Variants in PCGF6 observed in about 807,000 individuals in gnomAD.
The protein encoded by PCGF6 is polycomb group ring finger 6.
In PCGF6, 24 loss-of-function variants were observed where a neutral mutation model predicts 45.5. The ratio of observed to expected loss-of-function variants is 0.53; its 90% confidence interval spans 0.38 to 0.74. PCGF6 has a LOEUF of 0.74. Among genes scored for constraint, PCGF6 ranks in the 30% least tolerant of loss-of-function variants. The pLI is 0.00. For missense variants in PCGF6, 356 were observed against 443.2 expected, an observed-to-expected ratio of 0.80 and a Z score of 1.77; for synonymous variants, 152 against 162.1, an observed-to-expected ratio of 0.94 and a Z score of 0.47.
At chr10:103,336,159 G>A (rs1268453290) in intron 6 of PCGF6, among the ~76,000 whole-genome samples, 3 of 151,694 alleles carry the variant, frequency 2.0e-5, no homozygotes, top group South Asian at 2.1e-4. Context: ...GCTTGAAATC[G>A]GGAGGCAAAG....
At chr10:103,344,066 T>C (rs1224548428) in intron 6 of PCGF6, among the ~76,000 whole-genome samples, 2 of 151,946 alleles carry the variant, frequency 1.3e-5, no homozygotes, top group African/African-American at 4.8e-5. Flanking sequence ...CAGGAAAAGA[T>C]AAGAAATAAT....
At chr10:103,320,917 C>T (rs896047507) in intron 8 of PCGF6, among the ~76,000 whole-genome samples, 21 of 152,130 alleles carry the variant, frequency 1.4e-4, no homozygotes, top group African/African-American at 5.1e-4. Context: ...CTGCAGGACA[C>T]CAAGAATTGT....
intron 7 of PCGF6, among the ~76,000 whole-genome samples, chr10:103,329,122 C>T (rs2093230452): frequency 1.3e-5 from 2 of 151,804 alleles, no homozygotes; most frequent in Admixed American, 6.6e-5. Context: ...TCACTGCAAC[C>T]TCTGCCTCTT....
At chr10:103,316,007 T>G (rs1173879739) in intron 8 of PCGF6, among the ~76,000 whole-genome samples, 28 of 128,026 alleles carry the variant, frequency 2.2e-4, no homozygotes, top group Non-Finnish European at 4.2e-4. Context: ...TATATATATA[T>G]ATATATAGAG....
At chr10:103,343,217 C>G (rs1445727766) in intron 6 of PCGF6, among the ~76,000 whole-genome samples, 1 of 151,800 alleles carries the variant, frequency 6.6e-6, no homozygotes, top group Non-Finnish European at 1.5e-5. Flanking sequence ...CGTGAGCCAC[C>G]GCGCCCGGCC....
At chr10:103,343,910 A>C (rs1379133464) in intron 6 of PCGF6, among the ~76,000 whole-genome samples, 1 of 151,674 alleles carries the variant, frequency 6.6e-6, no homozygotes, top group African/African-American at 2.4e-5. Context: ...ATACCCTAAG[A>C]CTCAGTAAAT....
rs527992327 is a variant in PCGF6, at chr10:103,348,219, G to A, written c.557+497C>T. On this transcript the variant is annotated intron_variant, in intron 3 of 9. Transcript: ENST00000369847. The stretch of plus-strand genomic sequence containing the variant: ...ATTAAAATTCTCAGGAAAAAGGCCT[G>A]TGCCTCTTTTAAGTCCTCAGCAGAT... 7.1e-4 allele frequency: 108 copies of A among 152,790 alleles called. No homozygotes were observed. The Middle Eastern group carries it at 0.01, about 14-fold the overall frequency. 9.5% of individuals were successfully genotyped at this position (152,790 alleles called of 1,614,324 possible).
intron 7 of PCGF6, among the ~76,000 whole-genome samples, chr10:103,329,616 T>C (rs553438150): frequency 1.3e-5 from 2 of 152,114 alleles, no homozygotes; most frequent in South Asian, 4.2e-4. Flanking sequence ...TAGCTGGGAC[T>C]ACAGGCGTGA....
intron 8 of PCGF6, among the ~76,000 whole-genome samples, chr10:103,321,702 C>T (rs553032868): frequency 2.0e-5 from 3 of 151,522 alleles, no homozygotes; most frequent in African/African-American, 7.3e-5. Flanking sequence ...ACAGAGACTC[C>T]GTCTCAAAAA....
chr10:103,319,236 G>A (rs927765879), intron 8 of PCGF6, among the ~76,000 whole-genome samples: 2 of 151,110 alleles, frequency 1.3e-5, no homozygotes, highest in Admixed American at 1.3e-4. Context: ...TGCCACCTCC[G>A]CCTCCTGGGT....
At chr10:103,336,567 G>T (rs2093258098) in intron 6 of PCGF6, among the ~76,000 whole-genome samples, 1 of 152,124 alleles carries the variant, frequency 6.6e-6, no homozygotes, top group Non-Finnish European at 1.5e-5. Flanking sequence ...ATTTGTGGGT[G>T]ACTTTGTTAG....
At chr10:103,323,206 T>A (rs886423047) in intron 8 of PCGF6, among the ~76,000 whole-genome samples, 6 of 152,198 alleles carry the variant, frequency 3.9e-5, no homozygotes, top group Admixed American at 6.5e-5. Context: ...AACCAGGATA[T>A]GTCAAGCTCA....
intron 7 of PCGF6, among the ~76,000 whole-genome samples, chr10:103,333,116 T>TA (rs2093246067): frequency 1.5e-5 from 2 of 134,542 alleles, no homozygotes; most frequent in African/African-American, 5.7e-5. Context: ...AAGACTCCAT[T>TA]TAAAAAAAAA....
intron 8 of PCGF6, among the ~76,000 whole-genome samples, chr10:103,318,629 C>T (rs2093184992): frequency 6.6e-6 from 1 of 151,482 alleles, no homozygotes; most frequent in Non-Finnish European, 1.5e-5. Context: ...CCTGTAATCC[C>T]AGCTACTCAG....
At chr10:103,317,518 C>T (rs2093180314) in intron 8 of PCGF6, among the ~76,000 whole-genome samples, 1 of 152,034 alleles carries the variant, frequency 6.6e-6, no homozygotes, top group African/African-American at 2.4e-5. Context: ...GGTACTGTGG[C>T]TCTCATCTAT....
chr10:103,337,638 G>A (rs142373672), intron 6 of PCGF6, among the ~76,000 whole-genome samples: 48 of 152,178 alleles, frequency 3.2e-4, no homozygotes, highest in African/African-American at 1.2e-3. Flanking sequence ...TCTATCTTAA[G>A]ATCATAAAGC....
chr10:103,323,969 T>C (rs887387588), intron 8 of PCGF6, among the ~76,000 whole-genome samples: 1 of 150,524 alleles, frequency 6.6e-6, no homozygotes, highest in Non-Finnish European at 1.5e-5. Context: ...AGACAGATTA[T>C]CACTCTGTCG....
chr10:103,316,529 C>T (rs1340089059), intron 8 of PCGF6, among the ~76,000 whole-genome samples: 1 of 152,098 alleles, frequency 6.6e-6, no homozygotes, highest in Admixed American at 6.6e-5. Flanking sequence ...TTAAACTTTC[C>T]TGAGATCACA....
chr10:103,346,792 C>T (rs1592078870), intron 5 of PCGF6, among the ~76,000 whole-genome samples: 1 of 152,146 alleles, frequency 6.6e-6, no homozygotes, highest in African/African-American at 2.4e-5. Context: ...AAAACTCCGT[C>T]TCAAAATAAA....
Sources: gnomAD v4.1 joint callset for allele counts (sites outside exome capture counted in the v4.1 genomes callset) on GRCh38, gnomAD v4.1.1 for gene constraint, MANE v1.5 for transcripts, NCBI Gene and HGNC (gene_info 2026-07-23, HGNC 2026-07-21) for gene names.